Variants in TNFRSF10C observed in about 807,000 individuals in gnomAD.
TNFRSF10C encodes tumor necrosis factor receptor superfamily member 10C.
Under a neutral mutation model 16.7 loss-of-function variants are expected in TNFRSF10C, and 17 were observed. The observed-to-expected ratio is 1.02, with a 90% confidence interval of 0.70 to 1.53. TNFRSF10C has a LOEUF of 1.53. TNFRSF10C is among the 40% of genes most tolerant of loss of function. The pLI is 0.00. For synonymous variants in TNFRSF10C, 73 were observed against 119.7 expected (o/e 0.61, Z 2.55); for missense variants, 237 against 329.7 (o/e 0.72, Z 2.18).
intron 1 of TNFRSF10C, among the ~76,000 whole-genome samples, chr8:23,108,820 C>G (rs1434978062): frequency 6.6e-6 from 1 of 152,200 alleles, no homozygotes; most frequent in Non-Finnish European, 1.5e-5. Context: ...ACTGAACACT[C>G]ATTCCTTTCT....
rs1473754350 is a variant in TNFRSF10C at position 23,103,232 on chromosome 8, G to A, written c.60+51G>A. 3 of 1,587,158 alleles carry A rather than the reference G, an allele frequency of 1.9e-6. No homozygotes were observed. In the East Asian group the frequency reaches 6.8e-5, roughly 36 times the overall value. On this transcript the variant is annotated intron_variant, in intron 1 of 4. Coordinates refer to ENST00000356864, the MANE Select transcript of TNFRSF10C (RefSeq NM_003841.5). Reference sequence around the variant, plus strand: ...TGGGGAAGAGCGCACCTGGCGCCGGGAGGGGGCAGGGAGACGGGGACACGG... The same window carrying A: ...TGGGGAAGAGCGCACCTGGCGCCGGAAGGGGGCAGGGAGACGGGGACACGG...
At chr8:23,107,751 A>C (rs1479271215) in intron 1 of TNFRSF10C, among the ~76,000 whole-genome samples, 2 of 152,232 alleles carry the variant, frequency 1.3e-5, no homozygotes, top group African/African-American at 4.8e-5. Flanking sequence ...TATATCAATT[A>C]TTGCACTCCC....
intron 1 of TNFRSF10C, among the ~76,000 whole-genome samples, chr8:23,103,802 T>C (rs1024427895): frequency 3.3e-5 from 5 of 152,180 alleles, no homozygotes; most frequent in Non-Finnish European, 7.3e-5. Context: ...TTGTTGTGAG[T>C]TGGCTTTGGA....
chr8:23,103,368 C>G (rs773054150), intron 1 of TNFRSF10C, 187 bp downstream of exon 1: 2 of 1,043,154 alleles, frequency 1.9e-6, no homozygotes, highest in Admixed American at 2.2e-5. Flanking sequence ...AGGGACCCGG[C>G]CGCGAGGGAG....
rs758367362 is a variant in TNFRSF10C, at chr8:23,103,174, T to C, written c.53T>C (p.Leu18Pro). ...TTCGTCGTCGTCATCGTCGCGGTCC[T>C]GCTGCCAGTGAGTCCCGGCCGCGGT... ...LKFVVVIVAV[L>P]LPVLAYSATT... The change falls in exon 1 of 5, where the codon CTG becomes CCG. Residue 18 changes from leucine (L) to proline (P), a missense_variant. Leu to Pro is a moderately conservative substitution (Grantham distance 98). Transcript: ENST00000356864. The C allele has an allele frequency of 2.5e-6, 4 of 1,610,936 alleles. No individual in the cohort carries two copies. The highest frequency in any genetic ancestry group is 3.4e-6 in the Non-Finnish European group (4 of 1,178,988).
intron 2 of TNFRSF10C, among the ~76,000 whole-genome samples, chr8:23,113,186 T>C (rs985577171): frequency 2.6e-5 from 4 of 152,266 alleles, no homozygotes; most frequent in African/African-American, 7.2e-5. Flanking sequence ...TGAGTTCCTG[T>C]GTATTTTGGA....
intron 4 of TNFRSF10C, among the ~76,000 whole-genome samples, chr8:23,115,946 A>G (rs2128831868): frequency 6.6e-6 from 1 of 152,364 alleles, no homozygotes; most frequent in African/African-American, 2.4e-5. Context: ...TGAAATGAGA[A>G]GAAAACACTT....
intron 1 of TNFRSF10C, among the ~76,000 whole-genome samples, chr8:23,110,479 C>A (rs2128830795): frequency 6.6e-6 from 1 of 152,324 alleles, no homozygotes; most frequent in East Asian, 1.9e-4. Flanking sequence ...TGGCTGTTGG[C>A]ATGATGAAAG....
At chr8:23,112,669 T>C (rs1011969248) in intron 2 of TNFRSF10C, among the ~76,000 whole-genome samples, 10 of 152,380 alleles carry the variant, frequency 6.6e-5, no homozygotes, top group Admixed American at 6.5e-4. Flanking sequence ...AAAGGCTGAA[T>C]AGTATTCCAT....
rs569858474 is a variant in TNFRSF10C, at chr8:23,111,775, T to A, written c.116T>A (p.Val39Glu). 6.2e-7 allele frequency: 1 copy of A among 1,613,546 alleles called. No homozygotes were observed. Among genetic ancestry groups the A allele is most frequent in the East Asian group, 2.2e-5 (1 of 44,862 alleles). Residue 39 changes from valine (V) to glutamate (E), a missense_variant, in exon 2 of 5, where the codon GTG becomes GAG. Transcript: ENST00000356864. The part of the protein sequence containing the change: ...ARQEEVPQQT[V>E]APQQQRHSFK... ...CAGGAGGAAGTTCCCCAGCAGACAG[T>A]GGCCCCACAGCAACAGAGGCACAGC...
At chr8:23,111,970 T>G in intron 2 of TNFRSF10C, 145 bp downstream of exon 2, 1 of 892,358 alleles carries the variant, frequency 1.1e-6, no homozygotes, top group Non-Finnish European at 1.7e-6. Flanking sequence ...AATCATGTAT[T>G]CGTGGTAAGA....
Position 23,117,220 on chromosome 8 carries a change from C to A in TNFRSF10C, c.*189C>A. On this transcript the variant is annotated 3_prime_UTR_variant, in exon 5 of 5. Transcript: ENST00000356864. Reference sequence around the variant, plus strand: ...TCTATCTTCCTCCTTGTGATCGTCCCATCCCCACATCCCGTGCACCCCCCA... The same window carrying A: ...TCTATCTTCCTCCTTGTGATCGTCCAATCCCCACATCCCGTGCACCCCCCA... 2 of 854,470 alleles carry A rather than the reference C, an allele frequency of 2.3e-6. No homozygotes were observed. Among genetic ancestry groups the A allele is most frequent in the Non-Finnish European group, 3.5e-6 (2 of 566,224 alleles). The allele number at this position is 854,470 out of a possible 1,614,324, so 52.9% of individuals were successfully genotyped here.
chr8:23,111,837 T>C lies in TNFRSF10C; in HGVS notation c.166+12T>C. ...GGAGTGTCCAGCAGGTGCACTCTTA[T>C]TTTTAAAAATCAGTTTATTTTTAAT... On this transcript the variant is annotated intron_variant, in intron 2 of 4. Transcript: ENST00000356864. 2 of 1,609,998 alleles carry C rather than the reference T, an allele frequency of 1.2e-6. No individual in the cohort carries two copies. Among genetic ancestry groups the C allele is most frequent in the Non-Finnish European group, 1.7e-6 (2 of 1,176,632 alleles).
chr8:23,105,436 G>A (rs553553731), intron 1 of TNFRSF10C, among the ~76,000 whole-genome samples: 2 of 152,322 alleles, frequency 1.3e-5, no homozygotes, highest in Admixed American at 6.5e-5. Flanking sequence ...TGGGGCAGAA[G>A]CTTCTGAAGA....
intron 1 of TNFRSF10C, among the ~76,000 whole-genome samples, chr8:23,103,954 AAAAAG>A (rs759527344): frequency 5.3e-5 from 8 of 152,262 alleles, no homozygotes; most frequent in Non-Finnish European, 1.2e-4. Context: ...AAGAAAAAAG[AAAAAG>A]AAAAGGCCAA....
Position 23,117,107 on chromosome 8 carries a change from G to T in TNFRSF10C, c.*76G>T. On this transcript the variant is annotated 3_prime_UTR_variant, in exon 5 of 5. Coordinates refer to ENST00000356864, the MANE Select transcript of TNFRSF10C (RefSeq NM_003841.5). ...GCGCTGGCTGAGGGCGGGGGGCGCT[G>T]GACACTCTCTGCCCTGCCTCCCTCT... is the stretch of plus-strand genomic sequence containing the variant. The T allele has an allele frequency of 6.4e-7, 1 of 1,561,686 alleles. No individual in the cohort carries two copies. The highest frequency in any genetic ancestry group is 8.6e-7 in the Non-Finnish European group (1 of 1,156,930).
chr8:23,106,802 C>G (rs1481737120), intron 1 of TNFRSF10C, among the ~76,000 whole-genome samples: 2 of 151,910 alleles, frequency 1.3e-5, no homozygotes, highest in Non-Finnish European at 1.5e-5. Flanking sequence ...CTGGCTAACA[C>G]AGTGAAACCC....
At chr8:23,110,718 T>C (rs1458231848) in intron 1 of TNFRSF10C, among the ~76,000 whole-genome samples, 2 of 152,206 alleles carry the variant, frequency 1.3e-5, no homozygotes, top group Non-Finnish European at 2.9e-5. Flanking sequence ...CAGTAATTAA[T>C]TACTTAATGT....
chr8:23,102,951 G>C lies in TNFRSF10C; in HGVS notation c.-171G>C, dbSNP rs1291066764. ...TGCAGCTGTGGGAACCTCTCCACGC[G>C]CACGAACTCAGCCAACGATTTCTGA... On this transcript the variant is annotated 5_prime_UTR_variant, in exon 1 of 5. Coordinates refer to ENST00000356864, the MANE Select transcript of TNFRSF10C (RefSeq NM_003841.5). The C allele has an allele frequency of 6.7e-7, 1 of 1,501,594 alleles. No homozygotes were observed. The allele number at this position is 1,501,594 out of a possible 1,614,324, so 93.0% of individuals were successfully genotyped here. A position where few individuals can be genotyped will look rare whatever the true frequency, so the allele number is the denominator to read the frequency against.
Sources: allele counts gnomAD v4.1 joint callset (sites outside exome capture counted in the v4.1 genomes callset), GRCh38; gene constraint gnomAD v4.1.1; transcripts MANE v1.5; gene names NCBI Gene and HGNC (gene_info 2026-07-23, HGNC 2026-07-21).